The following RCOR1 variants were observed in gnomAD, a reference collection of about 807,000 sequenced individuals.
RCOR1 encodes the protein REST corepressor.
RCOR1 carries 12 observed loss-of-function variants against 64.0 expected under a neutral mutation model. The observed-to-expected ratio is 0.19, with a 90% CI of 0.12 to 0.30. RCOR1 has a LOEUF of 0.30. Among genes scored for constraint, RCOR1 ranks in the 10% least tolerant of loss-of-function variants. The pLI is 1.00. For missense variants in RCOR1, 502 were observed against 621.2 expected, an observed-to-expected ratio of 0.81 and a Z score of 2.04; for synonymous variants, 279 against 227.2, an observed-to-expected ratio of 1.23 and a Z score of -2.05.
intron 2 of RCOR1, among the ~76,000 whole-genome samples, chr14:102,617,257 A>G (rs1893780152): frequency 6.6e-6 from 1 of 152,222 alleles, no homozygotes; most frequent in Non-Finnish European, 1.5e-5. Flanking sequence ...ATTTAAGAAC[A>G]TGTATGAAAT....
At chr14:102,616,393 C>G (rs1051539418) in intron 2 of RCOR1, among the ~76,000 whole-genome samples, 1 of 152,092 alleles carries the variant, frequency 6.6e-6, no homozygotes, top group Non-Finnish European at 1.5e-5. Flanking sequence ...TCTCAGCCTC[C>G]TGAGTAGGTG....
intron 2 of RCOR1, among the ~76,000 whole-genome samples, chr14:102,602,394 C>CTTTTCT (rs1406383902): frequency 2.8e-4 from 29 of 104,234 alleles, no homozygotes; most frequent in African/African-American, 1.1e-3. Context: ...CTTTTCTTTT[C>CTTTTCT]TTTTTTTTTT....
At chr14:102,594,941 A>T (rs1252408763) in intron 2 of RCOR1, among the ~76,000 whole-genome samples, 1 of 152,152 alleles carries the variant, frequency 6.6e-6, no homozygotes, top group Non-Finnish European at 1.5e-5. Context: ...AGGCTTTTTG[A>T]TACATTTTTG....
In RCOR1 at chr14:102,707,665, G is replaced by T. The variant is rs561729706; in HGVS notation, c.660+153G>T. ...TTCAGCTTAGTACATGCTGCTCTGT[G>T]GATGGGAGTTTTCCAGTTACAGGAG... is the stretch of plus-strand genomic sequence containing the variant. On this transcript the variant is annotated intron_variant, in intron 5 of 11. Transcript: ENST00000262241. Among the ~76,000 whole-genome samples the T allele has an allele frequency of 9.8e-4, 149 of 152,210 alleles. 2 individuals are homozygous for T. The South Asian group carries it at 0.029, about 29-fold the overall frequency.
At chr14:102,602,517 C>T (rs1893425549) in intron 2 of RCOR1, among the ~76,000 whole-genome samples, 1 of 151,556 alleles carries the variant, frequency 6.6e-6, no homozygotes, top group Admixed American at 6.6e-5. Flanking sequence ...GATTGTCCTG[C>T]CTCAGCCTCC....
chr14:102,710,766 A>C (rs905526353), intron 6 of RCOR1, 169 bp from the exon 7 acceptor site: 1 of 597,128 alleles, frequency 1.7e-6, no homozygotes, highest in East Asian at 3.0e-5. Context: ...TTTGAATTAC[A>C]AAGATGTTTT....
chr14:102,639,298 T>C (rs1255307159), intron 2 of RCOR1, among the ~76,000 whole-genome samples: 3 of 149,372 alleles, frequency 2.0e-5, no homozygotes, highest in Non-Finnish European at 4.4e-5. Flanking sequence ...AAGATCTCTT[T>C]TTGTCACCCA....
intron 2 of RCOR1, among the ~76,000 whole-genome samples, chr14:102,667,922 T>C (rs1393501258): frequency 1.3e-5 from 2 of 152,150 alleles, no homozygotes; most frequent in African/African-American, 4.8e-5. Context: ...CAAGATGCTT[T>C]TTGAGTTGTT....
At chr14:102,610,433 A>G (rs552686224) in intron 2 of RCOR1, among the ~76,000 whole-genome samples, 36 of 152,258 alleles carry the variant, frequency 2.4e-4, no homozygotes, top group Non-Finnish European at 4.7e-4. Flanking sequence ...CAGCCATCAT[A>G]TATAGCTAGT....
intron 2 of RCOR1, among the ~76,000 whole-genome samples, chr14:102,608,030 C>T (rs1214816709): frequency 1.3e-5 from 2 of 151,492 alleles, no homozygotes; most frequent in Non-Finnish European, 2.9e-5. Context: ...CACTCAAGCC[C>T]GGGCGAAACA....
At chr14:102,617,463 G>T (rs887999852) in intron 2 of RCOR1, among the ~76,000 whole-genome samples, 1 of 152,102 alleles carries the variant, frequency 6.6e-6, no homozygotes, top group African/African-American at 2.4e-5. Context: ...ATAGTAATTG[G>T]CTGGGCATGA....
chr14:102,644,319 T>C (rs373242129), intron 2 of RCOR1, among the ~76,000 whole-genome samples: 7 of 152,220 alleles, frequency 4.6e-5, no homozygotes, highest in African/African-American at 7.2e-5. Flanking sequence ...TCCTTTCCGA[T>C]GTAGTCACAA....
At chr14:102,638,804 A>G (rs374019853) in intron 2 of RCOR1, among the ~76,000 whole-genome samples, 1 of 152,010 alleles carries the variant, frequency 6.6e-6, no homozygotes, top group African/African-American at 2.4e-5. Context: ...CTGAGATTAC[A>G]GGTGCGAACC....
chr14:102,702,109 A>G (rs991515216), intron 4 of RCOR1, among the ~76,000 whole-genome samples: 3 of 152,254 alleles, frequency 2.0e-5, no homozygotes, highest in South Asian at 2.1e-4. Flanking sequence ...TTTCCATGGC[A>G]TTAATCTAGA....
At chr14:102,654,254 C>T (rs957660832) in intron 2 of RCOR1, among the ~76,000 whole-genome samples, 8 of 151,904 alleles carry the variant, frequency 5.3e-5, no homozygotes, top group South Asian at 2.1e-4. Flanking sequence ...CCCAAAGTGT[C>T]GGGATTACAG....
At chr14:102,659,727 C>T (rs961153361) in intron 2 of RCOR1, among the ~76,000 whole-genome samples, 10 of 152,146 alleles carry the variant, frequency 6.6e-5, no homozygotes, top group African/African-American at 1.9e-4. Flanking sequence ...TGGACAGTAA[C>T]GGAGAGGTAT....
Position 102,657,116 on chromosome 14 carries a change from T to C in RCOR1, c.362-24779T>C, listed in dbSNP as rs1894743232. On this transcript the variant is annotated intron_variant, in intron 2 of 11. Transcript: ENST00000262241. ...GCCTAATCTTTTTTTTTTTTCCTTA[T>C]ATAATTTAGGTTGACTATGTAAACC... 4.1e-6 allele frequency: 4 copies of C among 983,918 alleles called. No homozygotes were observed. The South Asian group carries it at 1.4e-4, about 35-fold the overall frequency. 60.9% of individuals were successfully genotyped at this position (983,918 alleles called of 1,614,324 possible). A position where few individuals can be genotyped will look rare whatever the true frequency, so the allele number is the denominator to read the frequency against.
At chr14:102,689,212 T>A (rs1163849420) in intron 3 of RCOR1, among the ~76,000 whole-genome samples, 1 of 152,162 alleles carries the variant, frequency 6.6e-6, no homozygotes, top group Non-Finnish European at 1.5e-5. Flanking sequence ...AAAAACAAAG[T>A]TTACCCAGGC....
intron 2 of RCOR1, among the ~76,000 whole-genome samples, chr14:102,634,681 CAT>C (rs748184584): frequency 5.8e-4 from 87 of 149,426 alleles, no homozygotes; most frequent in Admixed American, 4.0e-3. Flanking sequence ...CACGTACATA[CAT>C]ATATATATGT....
Sources: gnomAD v4.1 joint callset for allele counts (sites outside exome capture counted in the v4.1 genomes callset) on GRCh38, gnomAD v4.1.1 for gene constraint, MANE v1.5 for transcripts, NCBI Gene and HGNC (gene_info 2026-07-23, HGNC 2026-07-21) for gene names.